Variants in CHRM2 observed in about 807,000 individuals in gnomAD.
CHRM2 encodes the protein muscarinic acetylcholine receptor M2.
CHRM2 carries 8 observed loss-of-function variants against 25.0 expected under a neutral mutation model. That is an observed-to-expected ratio of 0.32 (90% confidence interval 0.19 to 0.58). CHRM2 has a LOEUF of 0.58. Ranked by LOEUF, CHRM2 falls within the 20% of genes least tolerant of loss-of-function variation. The probability of loss-of-function intolerance (pLI) is 0.88; values close to 1 mark genes in which losing one functional copy is unlikely to be tolerated. For synonymous variants in CHRM2, 202 were observed against 205.7 expected (o/e 0.98, Z 0.15); for missense variants, 440 against 567.1 (o/e 0.78, Z 2.28).
chr7:137,007,273 C>T (rs1375392746), intron 3 of CHRM2, among the ~76,000 whole-genome samples: 1 of 152,092 alleles, frequency 6.6e-6, no homozygotes, highest in East Asian at 1.9e-4. Context: ...ATTTGTATCT[C>T]CCCTAGACTG....
At position 137,014,824 on chromosome 7, in the gene CHRM2, A is replaced by C. The variant is rs761128606; in HGVS notation, c.-42A>C. The C allele has an allele frequency of 2.0e-6, 3 of 1,512,108 alleles. No homozygotes were observed. In the South Asian group the frequency reaches 3.4e-5, roughly 17 times the overall value. 93.7% of individuals were successfully genotyped at this position (1,512,108 alleles called of 1,614,324 possible). On this transcript the variant is annotated 5_prime_UTR_variant, in exon 4 of 4. It removes the in-frame stop codon of an upstream open reading frame in the 5' UTR. Coordinates refer to ENST00000680005, the MANE Select transcript of CHRM2 (RefSeq NM_001006630.2). Reference sequence around the variant, plus strand: ...TTTTATTCTATTTCCTTGCAGGTTTAAATGTTTATTTGCTACTTGGCTACT... The same window carrying C: ...TTTTATTCTATTTCCTTGCAGGTTTCAATGTTTATTTGCTACTTGGCTACT...
At chr7:136,983,370 T>C (rs534991288) in intron 2 of CHRM2, among the ~76,000 whole-genome samples, 1 of 152,308 alleles carries the variant, frequency 6.6e-6, no homozygotes, top group South Asian at 2.1e-4. Context: ...TTGCATGGGG[T>C]TAGAACATGC....
At chr7:136,956,830 T>TTC (rs886200001) in intron 2 of CHRM2, among the ~76,000 whole-genome samples, 1 of 151,026 alleles carries the variant, frequency 6.6e-6, no homozygotes, top group Non-Finnish European at 1.5e-5. Context: ...TATGAAGGTT[T>TTC]TTTTTTTCCT....
intron 2 of CHRM2, among the ~76,000 whole-genome samples, chr7:136,897,980 A>C (rs1490463354): frequency 1.3e-5 from 2 of 152,130 alleles, no homozygotes; most frequent in Non-Finnish European, 1.5e-5. Flanking sequence ...TTACACTGAG[A>C]TACACATTGC....
At chr7:136,896,755 T>C (rs1240924270) in intron 2 of CHRM2, among the ~76,000 whole-genome samples, 1 of 152,044 alleles carries the variant, frequency 6.6e-6, no homozygotes, top group Admixed American at 6.6e-5. Context: ...ATGACTCAAC[T>C]AGAGAAAGAT....
rs572102906 is a variant in CHRM2 at position 136,975,814 on chromosome 7, G to A, written c.-124-16373G>A. Among the ~76,000 whole-genome samples, 40 of 152,258 alleles carry A rather than the reference G, an allele frequency of 2.6e-4. 1 individual carries two copies. In the South Asian group the frequency reaches 7.9e-3, roughly 30 times the overall value. Reference sequence around the variant, plus strand: ...CAGCCAACTGATGTAAACCAAACAAGAAAATAGAGTAGGGCAAATTATCAC... The same window carrying A: ...CAGCCAACTGATGTAAACCAAACAAAAAAATAGAGTAGGGCAAATTATCAC... On this transcript the variant is annotated intron_variant, in intron 2 of 3. Transcript: ENST00000680005.
intron 2 of CHRM2, among the ~76,000 whole-genome samples, chr7:136,911,572 G>A (rs1404448768): frequency 6.6e-6 from 1 of 151,936 alleles, no homozygotes; most frequent in Non-Finnish European, 1.5e-5. Context: ...TACATACTGG[G>A]TTGGAAGAAG....
chr7:136,888,222 G>A (rs146791586), intron 2 of CHRM2, among the ~76,000 whole-genome samples: 80 of 152,244 alleles, frequency 5.3e-4, no homozygotes, highest in African/African-American at 1.8e-3. Flanking sequence ...TTAGTCCATG[G>A]ACCCCTATCA....
At chr7:136,999,195 C>T (rs574779301) in intron 3 of CHRM2, among the ~76,000 whole-genome samples, 1 of 152,048 alleles carries the variant, frequency 6.6e-6, no homozygotes, top group Non-Finnish European at 1.5e-5. Context: ...ATGTTTATTA[C>T]TGTTCATTAT....
At chr7:136,992,991 T>C (rs535953893) in intron 3 of CHRM2, among the ~76,000 whole-genome samples, 184 of 152,336 alleles carry the variant, frequency 1.2e-3, no homozygotes, top group African/African-American at 3.8e-3. Context: ...TACACGTTAA[T>C]TATATATACA....
rs57705639 is a variant in CHRM2, at chr7:136,930,898, C to CAAAAAAAAAAAAAAAA, written c.-124-61275_-124-61260dup. Among the ~76,000 whole-genome samples the CAAAAAAAAAAAAAAAA allele has an allele frequency of 2.1e-3, 129 of 61,134 alleles. 6 individuals are homozygous for CAAAAAAAAAAAAAAAA. The highest frequency in any genetic ancestry group is 3.6e-3 in the Non-Finnish European group (95 of 26,678). 40.1% of individuals were successfully genotyped at this position (61,134 alleles called of 152,430 possible). ...GGCTACAGAGCCAGACTCATTCTCTCAAAAAAAAAAAAAAAAAAAAAAAAA... is the reference window on the plus strand; with the variant it reads ...GGCTACAGAGCCAGACTCATTCTCTCAAAAAAAAAAAAAAAAAAAAAAAAAAAAAAAAAAAAAAAAA... On this transcript the variant is annotated intron_variant, in intron 2 of 3. Transcript: ENST00000680005.
At chr7:136,903,362 G>A (rs6963819) in intron 2 of CHRM2, 245,168 of 389,704 alleles carry the variant, frequency 0.63, 78,900 homozygotes, top group African/African-American at 0.79. Context: ...TCAAAAGGAA[G>A]TCTTACTCTT....
chr7:136,972,360 G>A (rs1310960261), intron 2 of CHRM2, among the ~76,000 whole-genome samples: 1 of 151,888 alleles, frequency 6.6e-6, no homozygotes, highest in African/African-American at 2.4e-5. Flanking sequence ...GTCTTGTTTT[G>A]TCCAACCTAG....
At chr7:136,970,456 G>C (rs1485421024) in intron 2 of CHRM2, among the ~76,000 whole-genome samples, 1 of 152,080 alleles carries the variant, frequency 6.6e-6, no homozygotes, top group Non-Finnish European at 1.5e-5. Context: ...CTTTGAAACT[G>C]TTGTAATCCC....
chr7:136,882,255 C>A (rs1242281532), intron 2 of CHRM2, among the ~76,000 whole-genome samples: 1 of 152,010 alleles, frequency 6.6e-6, no homozygotes, highest in Non-Finnish European at 1.5e-5. Flanking sequence ...GTTTTTCTTA[C>A]ACTCATACGT....
At chr7:137,008,904 T>C (rs1430515188) in intron 3 of CHRM2, among the ~76,000 whole-genome samples, 1 of 152,068 alleles carries the variant, frequency 6.6e-6, no homozygotes, top group Non-Finnish European at 1.5e-5. Context: ...TTTATGCCAT[T>C]GTGTAATATT....
chr7:136,975,797 T>A (rs1448059349), intron 2 of CHRM2, among the ~76,000 whole-genome samples: 1 of 152,216 alleles, frequency 6.6e-6, no homozygotes, highest in Non-Finnish European at 1.5e-5. Context: ...AACAGCCAAC[T>A]GATGTAAACC....
chr7:136,881,455 A>AT (rs912324617), intron 2 of CHRM2, among the ~76,000 whole-genome samples: 1 of 151,648 alleles, frequency 6.6e-6, no homozygotes, highest in African/African-American at 2.4e-5. Context: ...TTAGAGAAAT[A>AT]TTTTTTCTTT....
At chr7:136,934,125 T>C (rs1054868246) in intron 2 of CHRM2, among the ~76,000 whole-genome samples, 1 of 152,134 alleles carries the variant, frequency 6.6e-6, no homozygotes, top group Non-Finnish European at 1.5e-5. Context: ...GGTCTTAATT[T>C]TTAAAAATTG....
Sources: allele counts gnomAD v4.1 joint callset (sites outside exome capture counted in the v4.1 genomes callset), GRCh38; gene constraint gnomAD v4.1.1; transcripts MANE v1.5; gene names NCBI Gene and HGNC (gene_info 2026-07-23, HGNC 2026-07-21).